EYA4: variants seen among roughly 807,000 people sequenced by gnomAD.
EYA4 encodes protein phosphatase EYA4.
Under a neutral mutation model 87.9 loss-of-function variants are expected in EYA4, and 31 were observed. The ratio of observed to expected loss-of-function variants is 0.35; its 90% CI spans 0.27 to 0.48. The LOEUF is 0.48. EYA4 is among the 20% of genes least tolerant of loss of function. The pLI is 0.99. For missense variants in EYA4, 678 were observed against 761.4 expected, an observed-to-expected ratio of 0.89 and a Z score of 1.29; for synonymous variants, 263 against 270.6, an observed-to-expected ratio of 0.97 and a Z score of 0.28.
intron 5 of EYA4, among the ~76,000 whole-genome samples, chr6:133,452,652 A>G (rs950007964): frequency 1.3e-5 from 2 of 152,126 alleles, no homozygotes; most frequent in Non-Finnish European, 2.9e-5. Flanking sequence ...GTCTATAGAT[A>G]AGAATTATTT....
Position 133,394,282 on chromosome 6 carries a change from GTGT to G in EYA4, c.83+11843_83+11845del, listed in dbSNP as rs1409101647. ...GTTGGAAAAATGTATATATAAGCTT[GTGT>G]TTTTTTTTTTTTTTTTTTTTTTTTT... is the stretch of plus-strand genomic sequence containing the variant. On this transcript the variant is annotated intron_variant, in intron 3 of 19. Coordinates refer to ENST00000355286, the MANE Select transcript of EYA4 (RefSeq NM_004100.5). 3.5e-4 allele frequency among the ~76,000 whole-genome samples: 38 copies of G among 107,818 alleles called. 3 individuals carry two copies. Among genetic ancestry groups the G allele is most frequent in the African/African-American group, 1.5e-3 (32 of 20,844 alleles). 70.7% of individuals were successfully genotyped at this position (107,818 alleles called of 152,430 possible). A position where few individuals can be genotyped will look rare whatever the true frequency, so the allele number is the denominator to read the frequency against.
At chr6:133,338,565 A>G (rs372577278) in intron 2 of EYA4, among the ~76,000 whole-genome samples, 4 of 152,328 alleles carry the variant, frequency 2.6e-5, no homozygotes, top group East Asian at 3.9e-4. Flanking sequence ...GTTAGATATC[A>G]TAATCATTCA....
At chr6:133,472,857 T>C (rs1291294340) in intron 11 of EYA4, among the ~76,000 whole-genome samples, 1 of 145,882 alleles carries the variant, frequency 6.9e-6, no homozygotes, top group African/African-American at 2.5e-5. Context: ...AATGGCCTTC[T>C]TTGTCTCTTT....
At chr6:133,380,811 C>T (rs1786125885) in intron 2 of EYA4, among the ~76,000 whole-genome samples, 1 of 151,526 alleles carries the variant, frequency 6.6e-6, no homozygotes, top group South Asian at 2.1e-4. Flanking sequence ...ACCCTTTCCC[C>T]TTTTCTCCTC....
At position 133,468,723 on chromosome 6, in the gene EYA4, A is replaced by G. The variant is rs1166230521; in HGVS notation, c.962A>G (p.Asn321Ser). Residue 321 changes from asparagine (N) to serine (S), a missense_variant, in exon 11 of 20, where the codon AAC (asparagine) becomes AGC (serine). Coordinates refer to ENST00000355286, the MANE Select transcript of EYA4 (RefSeq NM_004100.5). ...CAGGAATCTCTCCCAGGACTGACTAACCAACCAGGTACAGATCTTCACCCA... is the reference window on the plus strand; with the variant it reads ...CAGGAATCTCTCCCAGGACTGACTAGCCAACCAGGTACAGATCTTCACCCA... ...QLQESLPGLTNQPGEFDTMQS... is the reference protein window; with the variant it reads ...QLQESLPGLTSQPGEFDTMQS... 6.2e-7 allele frequency: 1 copy of G among 1,612,906 alleles called. No homozygotes were observed. The highest frequency in any genetic ancestry group is 8.5e-7 in the Non-Finnish European group (1 of 1,179,234).
At chr6:133,476,226 C>T (rs1049856954) in intron 11 of EYA4, among the ~76,000 whole-genome samples, 1 of 152,018 alleles carries the variant, frequency 6.6e-6, no homozygotes, top group South Asian at 2.1e-4. Flanking sequence ...TTAACATATG[C>T]ATTACCTCAC....
chr6:133,439,081 T>C (rs1007864862), intron 3 of EYA4, among the ~76,000 whole-genome samples: 2 of 131,444 alleles, frequency 1.5e-5, no homozygotes, highest in African/African-American at 5.6e-5. Flanking sequence ...AAAAAAGTCT[T>C]TGGGTTGGGC....
At chr6:133,385,430 TGTGTGTGTGTGA>T (rs1275800469) in intron 3 of EYA4, among the ~76,000 whole-genome samples, 26 of 146,690 alleles carry the variant, frequency 1.8e-4, no homozygotes, top group Middle Eastern at 3.6e-3. Flanking sequence ...TGTGTGTGTG[TGTGTGTGTGTGA>T]GAGAGAGAGA....
Position 133,242,845 on chromosome 6 carries a change from A to G in EYA4, c.-66+1096A>G, listed in dbSNP as rs79678771. Among the ~76,000 whole-genome samples the G allele has an allele frequency of 3.4e-3, 516 of 152,108 alleles. 2 individuals are homozygous for G. Among genetic ancestry groups the G allele is most frequent in the African/African-American group, 0.012 (478 of 41,484 alleles). Reference sequence around the variant, plus strand: ...ACCACCACCCCTCTTTCTCCTTCCTATGAAGACAACGGATTTGCGCCTGGG... The same window carrying G: ...ACCACCACCCCTCTTTCTCCTTCCTGTGAAGACAACGGATTTGCGCCTGGG... On this transcript the variant is annotated intron_variant, in intron 1 of 19. Coordinates refer to ENST00000355286, the MANE Select transcript of EYA4 (RefSeq NM_004100.5).
intron 3 of EYA4, among the ~76,000 whole-genome samples, chr6:133,444,886 A>G (rs1232283004): frequency 6.6e-6 from 1 of 152,168 alleles, no homozygotes; most frequent in Admixed American, 6.5e-5. Flanking sequence ...TGGTTGTATA[A>G]TCTAACCTGA....
chr6:133,463,125 A>T (rs951273508), intron 9 of EYA4, among the ~76,000 whole-genome samples: 1 of 152,148 alleles, frequency 6.6e-6, no homozygotes, highest in Non-Finnish European at 1.5e-5. Context: ...TTCCTGAAGT[A>T]TGTAATGCTG....
At chr6:133,274,517 A>G (rs532407254) in intron 1 of EYA4, among the ~76,000 whole-genome samples, 199 bp from the exon 2 acceptor site, 1 of 152,298 alleles carries the variant, frequency 6.6e-6, no homozygotes, top group East Asian at 1.9e-4. Flanking sequence ...AGCTGTTCAC[A>G]TACCCCACTT....
At chr6:133,361,041 G>A (rs1037201566) in intron 2 of EYA4, among the ~76,000 whole-genome samples, 23 of 152,194 alleles carry the variant, frequency 1.5e-4, no homozygotes, top group African/African-American at 4.6e-4. Context: ...TATGTGTTAT[G>A]AGTAATACCT....
chr6:133,243,722 G>C lies in EYA4; in HGVS notation c.-66+1973G>C, dbSNP rs188329252. Among the ~76,000 whole-genome samples, 687 of 151,342 alleles carry C rather than the reference G, an allele frequency of 4.5e-3. 2 individuals carry two copies. Among genetic ancestry groups the C allele is most frequent in the Admixed American group, 8.6e-3 (131 of 15,220 alleles). On this transcript the variant is annotated intron_variant, in intron 1 of 19. Transcript: ENST00000355286. The stretch of plus-strand genomic sequence containing the variant: ...AAACCTGAAGAACCAAAAACTAGAG[G>C]GGGTGGGGAGAGAATCCCCCCAAAA...
At chr6:133,299,264 C>G (rs1254646708) in intron 2 of EYA4, among the ~76,000 whole-genome samples, 1 of 152,144 alleles carries the variant, frequency 6.6e-6, no homozygotes, top group African/African-American at 2.4e-5. Context: ...AGACAAAAAT[C>G]TTTAATAATC....
At chr6:133,278,126 G>C (rs1193137801) in intron 2 of EYA4, among the ~76,000 whole-genome samples, 1 of 150,866 alleles carries the variant, frequency 6.6e-6, no homozygotes, top group African/African-American at 2.4e-5. Flanking sequence ...TCTGGTTTCT[G>C]TCAGTTTCTG....
At chr6:133,243,153 C>G (rs1227042074) in intron 1 of EYA4, among the ~76,000 whole-genome samples, 2 of 149,888 alleles carry the variant, frequency 1.3e-5, no homozygotes, top group Admixed American at 6.7e-5. Context: ...TAACAGGACT[C>G]TGGTGTTCAA....
chr6:133,280,377 T>G (rs1055017270), intron 2 of EYA4, among the ~76,000 whole-genome samples: 1 of 152,198 alleles, frequency 6.6e-6, no homozygotes, highest in Non-Finnish European at 1.5e-5. Context: ...CTCTTCCTTT[T>G]TAAGCATTTT....
At chr6:133,381,158 G>C (rs1429774778) in intron 2 of EYA4, among the ~76,000 whole-genome samples, 1 of 144,940 alleles carries the variant, frequency 6.9e-6, no homozygotes, top group Non-Finnish European at 1.5e-5. Flanking sequence ...TAATAAAACA[G>C]GATGACAGTC....
Sources: allele counts gnomAD v4.1 joint callset (sites outside exome capture counted in the v4.1 genomes callset), GRCh38; gene constraint gnomAD v4.1.1; transcripts MANE v1.5; gene names NCBI Gene and HGNC (gene_info 2026-07-23, HGNC 2026-07-21).